The following LTA variants were observed in gnomAD, a reference collection of about 807,000 sequenced individuals.
The protein encoded by LTA is lymphotoxin-alpha.
Under a neutral mutation model 15.1 loss-of-function variants are expected in LTA, and 6 were observed. That is an observed-to-expected ratio of 0.40 (90% CI 0.22 to 0.78). The LOEUF (loss-of-function observed/expected upper bound fraction) is 0.78, where lower values mean the gene tolerates loss of function less well. Ranked by LOEUF, LTA falls within the 30% of genes least tolerant of loss-of-function variation. LTA has a pLI of 0.38. For synonymous variants in LTA, 87 were observed against 107.3 expected (o/e 0.81, Z 1.17); for missense variants, 173 against 249.5 (o/e 0.69, Z 2.06).
At chr6:31,572,275 G>A (rs1189606376), upstream of LTA, 3 of 217,488 alleles carry the variant, frequency 1.4e-5, no homozygotes, top group Non-Finnish European at 2.7e-5. Context: ...GGACCTGAGC[G>A]TCCGGGCCCA....
chr6:31,567,782 C>T (rs1770657425), upstream of LTA, among the ~76,000 whole-genome samples: 1 of 151,952 alleles, frequency 6.6e-6, no homozygotes, highest in South Asian at 2.1e-4. Flanking sequence ...ATGACCTGGC[C>T]CCTGCCCTCC....
chr6:31,573,641 C>T lies in LTA; in HGVS notation c.566C>T (p.Pro189Leu). Reference protein sequence around the residue: ...DQLSTHTDGIPHLVLSPSTVF... With the variant: ...DQLSTHTDGILHLVLSPSTVF... ...CTATCCACCCACACAGATGGCATCC[C>T]CCACCTAGTCCTCAGCCCTAGTACT... Residue 189 changes from proline to leucine, a missense_variant, in exon 4 of 4, where the codon CCC (proline) becomes CTC (leucine). Physicochemically the swap from Pro to Leu is moderately conservative, Grantham distance 98 (BLOSUM62 -3). Coordinates refer to ENST00000418386, the MANE Select transcript of LTA (RefSeq NM_000595.4). 6.2e-7 allele frequency: 1 copy of T among 1,613,802 alleles called. No homozygotes were observed. The highest frequency in any genetic ancestry group is 8.5e-7 in the Non-Finnish European group (1 of 1,179,818).
upstream of LTA, among the ~76,000 whole-genome samples, chr6:31,569,217 G>A (rs1770714944): frequency 6.6e-6 from 1 of 152,126 alleles, no homozygotes; most frequent in Non-Finnish European, 1.5e-5. Flanking sequence ...CACCGTATTA[G>A]CCAGGATTGT....
In LTA at chr6:31,572,984, C is replaced by T. The variant is rs2071589; in HGVS notation, c.156C>T (p.Pro52=). The T allele has an allele frequency of 4.8e-4, 771 of 1,612,862 alleles. 13 individuals carry two copies. The East Asian group carries it at 0.017, about 35-fold the overall frequency. ...CTGCCCAGACTGCCCGTCAGCACCC[C>T]AAGATGCATCTTGCCCACAGCACCC... ...PSAAQTARQH[P]KMHLAHSTLK... The change falls in exon 3 of 4, where the codon CCC becomes CCT. Residue 52 remains proline (P), a synonymous_variant. Coordinates refer to ENST00000418386, the MANE Select transcript of LTA (RefSeq NM_000595.4).
Position 31,573,821 on chromosome 6 carries a change from C to A in LTA, c.*128C>A. The A allele has an allele frequency of 1.8e-6, 2 of 1,092,670 alleles. No individual in the cohort carries two copies. The highest frequency in any genetic ancestry group is 2.5e-5 in the East Asian group (1 of 40,050). The allele number at this position is 1,092,670 out of a possible 1,614,324, so 67.7% of individuals were successfully genotyped here. A position where few individuals can be genotyped will look rare whatever the true frequency, so the allele number is the denominator to read the frequency against. On this transcript the variant is annotated 3_prime_UTR_variant, in exon 4 of 4. Coordinates refer to ENST00000418386, the MANE Select transcript of LTA (RefSeq NM_000595.4). ...GCCATTCCAACAGCTCAAGTCTTCC[C>A]TGATCAAGTCACCGGAGCTTTCAAA... is the stretch of plus-strand genomic sequence containing the variant.
chr6:31,565,815 C>G, the LTA span, among the ~76,000 whole-genome samples: 1 of 152,156 alleles, frequency 6.6e-6, no homozygotes, highest in Non-Finnish European at 1.5e-5. Flanking sequence ...ACTATTTTCT[C>G]TTCACCATCA....
At chr6:31,569,647 A>T (rs907381037), upstream of LTA, among the ~76,000 whole-genome samples, 2 of 152,050 alleles carry the variant, frequency 1.3e-5, no homozygotes, top group African/African-American at 2.4e-5. Context: ...ACAAAAAAAA[A>T]TTTGGCGGGC....
upstream of LTA, among the ~76,000 whole-genome samples, chr6:31,568,847 T>C (rs1770698535): frequency 6.6e-6 from 1 of 152,146 alleles, no homozygotes; most frequent in Non-Finnish European, 1.5e-5. This position sits in a 1 kb window ranked among gnomAD's most constrained non-coding sequence, Gnocchi z 4.1. Context: ...AGCCCAGTCT[T>C]ACCCTTCCTT....
chr6:31,563,907 G>A, the LTA span, among the ~76,000 whole-genome samples: 2 of 151,940 alleles, frequency 1.3e-5, no homozygotes, highest in African/African-American at 2.4e-5. Flanking sequence ...GGTGCCCGGC[G>A]GTAAGAGATT....
At chr6:31,567,669 CACACACACGCACGCAT>C (rs879407902), upstream of LTA, among the ~76,000 whole-genome samples, 1,307 of 59,044 alleles carry the variant, frequency 0.022, 15 homozygotes, top group African/African-American at 0.041. Flanking sequence ...CACACACACA[CACACACACGCACGCAT>C]GCACGCACCA....
chr6:31,560,890 G>A, the LTA span, among the ~76,000 whole-genome samples: 1 of 152,174 alleles, frequency 6.6e-6, no homozygotes, highest in Non-Finnish European at 1.5e-5. Context: ...TTACAATCTA[G>A]TGGGGAGGCA....
chr6:31,566,896 C>T, the LTA span, among the ~76,000 whole-genome samples: 3 of 148,868 alleles, frequency 2.0e-5, no homozygotes, highest in Non-Finnish European at 4.5e-5. Flanking sequence ...GCTGAGATTA[C>T]GCCATTGCAC....
In LTA at chr6:31,573,620, C is replaced by T; in HGVS notation, c.545C>T (p.Ser182Phe). ...CAGCTCACCCAGGGAGACCAGCTAT[C>T]CACCCACACAGATGGCATCCCCCAC... is the stretch of plus-strand genomic sequence containing the variant. Reference protein sequence around the residue: ...AFQLTQGDQLSTHTDGIPHLV... With the variant: ...AFQLTQGDQLFTHTDGIPHLV... Residue 182 changes from serine (S) to phenylalanine (F), a missense_variant, in exon 4 of 4, where the codon TCC (serine) becomes TTC (phenylalanine). Physicochemically the swap from Ser to Phe is radical, Grantham distance 155. Coordinates refer to ENST00000418386, the MANE Select transcript of LTA (RefSeq NM_000595.4). 2 of 1,614,066 alleles carry T rather than the reference C, an allele frequency of 1.2e-6. No homozygotes were observed. Among genetic ancestry groups the T allele is most frequent in the Non-Finnish European group, 1.7e-6 (2 of 1,179,960 alleles).
At position 31,572,977 on chromosome 6, in the gene LTA, A is replaced by G. The variant is rs1404064162; in HGVS notation, c.149A>G (p.Gln50Arg). ...CCTTCAGCTGCCCAGACTGCCCGTC[A>G]GCACCCCAAGATGCATCTTGCCCAC... ...LTPSAAQTARQHPKMHLAHST... is the reference protein window; with the variant it reads ...LTPSAAQTARRHPKMHLAHST... The change falls in exon 3 of 4, where the codon CAG (glutamine) becomes CGG (arginine). Residue 50 changes from glutamine to arginine, a missense_variant. By Grantham distance (43) the Gln-to-Arg change is conservative. Transcript: ENST00000418386. 1.2e-6 allele frequency: 2 copies of G among 1,612,482 alleles called. No individual in the cohort carries two copies. The highest frequency in any genetic ancestry group is 3.3e-5 in the Admixed American group (2 of 59,956).
At chr6:31,562,529 T>C in the LTA span, among the ~76,000 whole-genome samples, 138 of 152,284 alleles carry the variant, frequency 9.1e-4, 3 homozygotes, top group East Asian at 0.024. Context: ...TTGTTGTTTA[T>C]TTTCAAGAAA....
chr6:31,573,678 A>T lies in LTA; in HGVS notation c.603A>T (p.Gly201=), dbSNP rs1419401400. 5.5e-5 allele frequency: 89 copies of T among 1,613,524 alleles called. 1 individual carries two copies. The highest frequency in any genetic ancestry group is 1.6e-4 in the Middle Eastern group (1 of 6,084). ...LVLSPSTVFF[G]AFAL ...TCAGCCCTAGTACTGTCTTCTTTGG[A>T]GCCTTCGCTCTGTAGAACTTGGAAA... The change falls in exon 4 of 4, where the codon GGA becomes GGT. Residue 201 remains glycine (G), a synonymous_variant. Transcript: ENST00000418386.
chr6:31,571,318 C>G (rs745395506), upstream of LTA, among the ~76,000 whole-genome samples: 2 of 152,120 alleles, frequency 1.3e-5, no homozygotes, highest in Non-Finnish European at 2.9e-5. Context: ...CCTCAGACTC[C>G]CAAAGTGCCA....
upstream of LTA, among the ~76,000 whole-genome samples, chr6:31,567,604 TTCTC>T (rs1554281342): frequency 1.3e-4 from 13 of 103,480 alleles, no homozygotes; most frequent in South Asian, 6.9e-4. Flanking sequence ...ACCTCCCTCT[TTCTC>T]TCTCTCTCTC....
At chr6:31,562,313 G>T in the LTA span, among the ~76,000 whole-genome samples, 13 of 151,988 alleles carry the variant, frequency 8.6e-5, no homozygotes, top group South Asian at 1.9e-3. Context: ...AAAAGGAGGT[G>T]GTGGGCATGA....
Sources: allele counts gnomAD v4.1 joint callset (sites outside exome capture counted in the v4.1 genomes callset), GRCh38; gene constraint gnomAD v4.1.1; non-coding constraint Gnocchi (gnomAD v3.1); transcripts MANE v1.5; gene names NCBI Gene and HGNC (gene_info 2026-07-23, HGNC 2026-07-21).